MKLN1: variants seen among roughly 807,000 people sequenced by gnomAD.
The protein encoded by MKLN1 is muskelin.
MKLN1 carries 18 observed loss-of-function variants against 99.0 expected under a neutral mutation model. The ratio of observed to expected loss-of-function variants is 0.18; its 90% CI spans 0.13 to 0.27. The LOEUF (loss-of-function observed/expected upper bound fraction) is 0.27, where lower values mean the gene tolerates loss of function less well. Ranked by LOEUF, MKLN1 falls within the 10% of genes least tolerant of loss-of-function variation. The pLI is 1.00. For synonymous variants in MKLN1, 288 were observed against 293.2 expected (o/e 0.98, Z 0.18); for missense variants, 621 against 875.9 (o/e 0.71, Z 3.67).
At chr7:131,335,075 G>A (rs1799212999) in intron 1 of MKLN1, among the ~76,000 whole-genome samples, 1 of 152,068 alleles carries the variant, frequency 6.6e-6, no homozygotes, top group African/African-American at 2.4e-5. Flanking sequence ...GCTTATTAAG[G>A]GGTGGTCAGA....
At chr7:131,206,778 A>G (rs930540800) in intron 3 of MKLN1, among the ~76,000 whole-genome samples, 1 of 151,704 alleles carries the variant, frequency 6.6e-6, no homozygotes, top group African/African-American at 2.4e-5. Flanking sequence ...CTGGTCTCAA[A>G]CTCCTGGCCT....
At chr7:131,167,886 A>G (rs1175354383) in intron 2 of MKLN1, among the ~76,000 whole-genome samples, 1 of 152,190 alleles carries the variant, frequency 6.6e-6, no homozygotes, top group Non-Finnish European at 1.5e-5. Flanking sequence ...GGAAAATGCT[A>G]TGAGACAATG....
chr7:131,357,550 A>G (rs1029700076), intron 1 of MKLN1, among the ~76,000 whole-genome samples: 1 of 152,170 alleles, frequency 6.6e-6, no homozygotes, highest in Non-Finnish European at 1.5e-5. Flanking sequence ...CCGCCATACT[A>G]ATTTATCCAA....
intron 3 of MKLN1, among the ~76,000 whole-genome samples, chr7:131,257,126 A>T (rs971897709): frequency 1.3e-5 from 2 of 152,218 alleles, no homozygotes; most frequent in Non-Finnish European, 2.9e-5. Context: ...GCTAGATTTA[A>T]CAAGTATCTA....
At chr7:131,273,294 G>A (rs1408820810) in intron 3 of MKLN1, among the ~76,000 whole-genome samples, 1 of 152,180 alleles carries the variant, frequency 6.6e-6, no homozygotes, top group African/African-American at 2.4e-5. Flanking sequence ...ATTTTCCATG[G>A]GCGGCTGTCC....
At chr7:131,356,905 G>A (rs1458906680) in intron 1 of MKLN1, among the ~76,000 whole-genome samples, 2 of 152,142 alleles carry the variant, frequency 1.3e-5, no homozygotes, top group Non-Finnish European at 2.9e-5. Flanking sequence ...GGGAGAGACT[G>A]AGGCAGGTTT....
At chr7:131,258,301 G>C (rs528464536) in intron 3 of MKLN1, among the ~76,000 whole-genome samples, 1 of 152,172 alleles carries the variant, frequency 6.6e-6, no homozygotes, top group Non-Finnish European at 1.5e-5. Flanking sequence ...GTAGAGAAAA[G>C]AGTAGATGTT....
At chr7:131,306,935 A>AT (rs1224690876) in intron 3 of MKLN1, among the ~76,000 whole-genome samples, 1 of 152,212 alleles carries the variant, frequency 6.6e-6, no homozygotes, top group Non-Finnish European at 1.5e-5. Flanking sequence ...AGCCCCTCCC[A>AT]TCACAGGCCC....
At chr7:131,218,601 AG>A (rs1648596902) in intron 3 of MKLN1, among the ~76,000 whole-genome samples, 1 of 152,210 alleles carries the variant, frequency 6.6e-6, no homozygotes, top group African/African-American at 2.4e-5. Context: ...ATTTTTGTAT[AG>A]GTGGTTCCCA....
chr7:131,371,380 G>T (rs1251184450), intron 1 of MKLN1, among the ~76,000 whole-genome samples: 5 of 152,090 alleles, frequency 3.3e-5, no homozygotes, highest in African/African-American at 1.2e-4. Context: ...TGGACTCCCA[G>T]AGCATAATCA....
In MKLN1 at chr7:131,495,805, T is replaced by C. The variant is rs2116743330; in HGVS notation, c.*8077T>C. 1 of 152,310 alleles carries C rather than the reference T, an allele frequency of 6.6e-6. No homozygotes were observed. Among genetic ancestry groups the C allele is most frequent in the East Asian group, 1.9e-4 (1 of 5,178 alleles). 9.4% of individuals were successfully genotyped at this position (152,310 alleles called of 1,614,324 possible). A position where few individuals can be genotyped will look rare whatever the true frequency, so the allele number is the denominator to read the frequency against. On this transcript the variant is annotated 3_prime_UTR_variant, in exon 18 of 18. Transcript: ENST00000352689. ...ATCCAGAAGCTATAGGGAGCTGCCT[T>C]GCTCAGGTCATTGGAAATTTCAACC...
At chr7:131,199,957 C>T (rs1584828657) in intron 2 of MKLN1, among the ~76,000 whole-genome samples, 1 of 152,330 alleles carries the variant, frequency 6.6e-6, no homozygotes, top group African/African-American at 2.4e-5. Context: ...CTCAGCCTCC[C>T]AAAGTGCTGG....
chr7:131,404,478 C>T (rs746972040), intron 6 of MKLN1, among the ~76,000 whole-genome samples: 1 of 152,072 alleles, frequency 6.6e-6, no homozygotes, highest in African/African-American at 2.4e-5. Context: ...TCATGCCTGG[C>T]TAATTTTTAA....
chr7:131,126,375 A>G (rs895494309), intron 1 of MKLN1, among the ~76,000 whole-genome samples: 2 of 152,246 alleles, frequency 1.3e-5, no homozygotes, highest in African/African-American at 4.8e-5. Flanking sequence ...GCAGACTGTC[A>G]TATGTGAGTA....
chr7:131,355,504 C>T (rs2116779624), intron 1 of MKLN1, among the ~76,000 whole-genome samples: 1 of 151,698 alleles, frequency 6.6e-6, no homozygotes, highest in Admixed American at 6.6e-5. Context: ...AGGTTTTGCA[C>T]ATTTTTCTAA....
At chr7:131,207,474 A>G (rs759388914) in intron 3 of MKLN1, among the ~76,000 whole-genome samples, 12 of 152,200 alleles carry the variant, frequency 7.9e-5, no homozygotes, top group Non-Finnish European at 1.6e-4. Context: ...TTGGGATTAC[A>G]GGCATGAGCC....
chr7:131,401,827 C>T (rs970652260), intron 6 of MKLN1, among the ~76,000 whole-genome samples: 12 of 152,032 alleles, frequency 7.9e-5, no homozygotes, highest in African/African-American at 2.7e-4. Context: ...AAAAAAAATG[C>T]ATATACCTTA....
chr7:131,459,407 C>A (rs1796447746), intron 12 of MKLN1, among the ~76,000 whole-genome samples: 1 of 152,082 alleles, frequency 6.6e-6, no homozygotes, highest in Admixed American at 6.5e-5. Flanking sequence ...GTTTTTATGA[C>A]CCACCTTGAG....
intron 16 of MKLN1, among the ~76,000 whole-genome samples, chr7:131,472,649 C>G (rs1441401529): frequency 6.6e-6 from 1 of 151,666 alleles, no homozygotes; most frequent in African/African-American, 2.4e-5. Flanking sequence ...ACCTTGGACA[C>G]TTTTTAAAAC....
Sources: allele counts gnomAD v4.1 joint callset (sites outside exome capture counted in the v4.1 genomes callset), GRCh38; gene constraint gnomAD v4.1.1; transcripts MANE v1.5; gene names NCBI Gene and HGNC (gene_info 2026-07-23, HGNC 2026-07-21).